Variants in EIF4G3 observed in about 807,000 individuals in gnomAD.
The protein encoded by EIF4G3 is eIF-4-gamma 3.
A neutral mutation model predicts 186.4 loss-of-function variants in EIF4G3; 34 were observed. The ratio of observed to expected loss-of-function variants is 0.18; its 90% CI spans 0.14 to 0.24. The LOEUF (loss-of-function observed/expected upper bound fraction) is 0.24, where lower values mean the gene tolerates loss of function less well. EIF4G3 is among the 10% of genes least tolerant of loss of function. EIF4G3 has a pLI of 1.00. For missense variants in EIF4G3, 1,536 were observed against 1,948.5 expected (o/e 0.79, Z 3.99); for synonymous variants, 673 against 679.5 (o/e 0.99, Z 0.15).
intron 3 of EIF4G3, among the ~76,000 whole-genome samples, chr1:21,051,798 G>C (rs2094230088): frequency 6.6e-6 from 1 of 152,146 alleles, no homozygotes; most frequent in Non-Finnish European, 1.5e-5. Flanking sequence ...AGGAGTTCAA[G>C]GCTTACAGTG....
chr1:20,825,119 T>C lies in EIF4G3; in HGVS notation c.4349A>G (p.His1450Arg), dbSNP rs2063277570. Residue 1450 changes from histidine to arginine, a missense_variant, in exon 33 of 37, where the codon CAT becomes CGT. Coordinates refer to ENST00000602326, the MANE Select transcript of EIF4G3 (RefSeq NM_001391906.1). ...KDFLPEGEDV[H>R]NFLLEQKLDF... ...TCTTACCTGCTCCAAAAGAAAATTATGTACATCTTCTCCTTCTGGTAAAAA... is the reference window on the plus strand; with the variant it reads ...TCTTACCTGCTCCAAAAGAAAATTACGTACATCTTCTCCTTCTGGTAAAAA... 9 of 1,612,102 alleles carry C rather than the reference T, an allele frequency of 5.6e-6. No homozygotes were observed. The highest frequency in any genetic ancestry group is 1.3e-5 in the African/African-American group (1 of 74,792).
chr1:21,039,148 G>A (rs540522655), intron 4 of EIF4G3, among the ~76,000 whole-genome samples: 3 of 152,274 alleles, frequency 2.0e-5, no homozygotes, highest in East Asian at 1.9e-4. Flanking sequence ...CTTCACATAC[G>A]TGGTCAAATG....
At chr1:20,943,732 CAGAT>C (rs1286000780) in intron 13 of EIF4G3, among the ~76,000 whole-genome samples, 1 of 152,122 alleles carries the variant, frequency 6.6e-6, no homozygotes, top group Non-Finnish European at 1.5e-5. Flanking sequence ...TGCAGTTTAT[CAGAT>C]AAATAGGTAT....
At chr1:20,854,776 T>C (rs1376023066) in intron 26 of EIF4G3, among the ~76,000 whole-genome samples, 5 of 151,700 alleles carry the variant, frequency 3.3e-5, no homozygotes, top group African/African-American at 9.7e-5. Context: ...AATGAATGAA[T>C]TGAAATTAAA....
At position 20,810,792 on chromosome 1, in the gene EIF4G3, G is replaced by C; in HGVS notation, c.4690C>G (p.Leu1564Val). Residue 1564 changes from leucine to valine, a missense_variant, in exon 36 of 37, where the codon CTG (leucine) becomes GTG (valine). By Grantham distance (32) the Leu-to-Val change is conservative. Coordinates refer to ENST00000602326, the MANE Select transcript of EIF4G3 (RefSeq NM_001391906.1). The surrounding 1 kb of genome is among the most constrained non-coding windows in gnomAD (Gnocchi z 4.1). ...KYLDSDTEKE[L>V]QALYALQASI... ...GCTTGTAGTGCATAAAGTGCTTGCA[G>C]TTCCTTCTCTGTATCTGAGTCTAGG... 6.2e-7 allele frequency: 1 copy of C among 1,614,130 alleles called. No individual in the cohort carries two copies. The highest frequency in any genetic ancestry group is 2.2e-5 in the East Asian group (1 of 44,864).
chr1:20,817,961 A>C (rs1383451288), intron 33 of EIF4G3, among the ~76,000 whole-genome samples: 1 of 152,112 alleles, frequency 6.6e-6, no homozygotes, highest in Non-Finnish European at 1.5e-5. Context: ...GGCATGACTC[A>C]CCACGCCCAA....
intron 2 of EIF4G3, among the ~76,000 whole-genome samples, chr1:21,150,922 G>A (rs541931937): frequency 6.6e-6 from 1 of 152,286 alleles, no homozygotes; most frequent in East Asian, 1.9e-4. Flanking sequence ...GTTGCAGTGA[G>A]TCAGAATCAT....
chr1:20,975,647 T>G (rs1009538595), intron 10 of EIF4G3, among the ~76,000 whole-genome samples: 6 of 149,744 alleles, frequency 4.0e-5, no homozygotes, highest in Non-Finnish European at 8.9e-5. Flanking sequence ...ATATAATATT[T>G]ATAATAAGCT....
At chr1:20,889,467 A>C (rs1157064153) in intron 18 of EIF4G3, among the ~76,000 whole-genome samples, 1 of 152,182 alleles carries the variant, frequency 6.6e-6, no homozygotes, top group Non-Finnish European at 1.5e-5. Flanking sequence ...CCGCAAAAAG[A>C]CTACTAACAC....
At chr1:21,131,239 CAA>C (rs33913086) in intron 2 of EIF4G3, among the ~76,000 whole-genome samples, 2,976 of 114,120 alleles carry the variant, frequency 0.026, 51 homozygotes, top group South Asian at 0.031. Context: ...GATTCTGCCT[CAA>C]AAAAAAAAAA....
rs568894616 is a variant in EIF4G3 at position 20,816,881 on chromosome 1, C to T, written c.4515+511G>A. 1.8e-4 allele frequency among the ~76,000 whole-genome samples: 21 copies of T among 119,254 alleles called. 2 individuals carry two copies. Among genetic ancestry groups the T allele is most frequent in the Admixed American group, 8.9e-4 (10 of 11,192 alleles). The allele number at this position is 119,254 out of a possible 152,430, so 78.2% of individuals were successfully genotyped here. A position where few individuals can be genotyped will look rare whatever the true frequency, so the allele number is the denominator to read the frequency against. On this transcript the variant is annotated intron_variant, in intron 34 of 36. Transcript: ENST00000602326. ...AAAGAAGTAGACATGGGAGACTTTT[C>T]ATTTTGTTCTGTACTAAGAAAAATT...
intron 3 of EIF4G3, among the ~76,000 whole-genome samples, chr1:21,062,117 A>T (rs2094948984): frequency 6.6e-6 from 1 of 151,830 alleles, no homozygotes; most frequent in East Asian, 1.9e-4. Context: ...GAAGCATAGT[A>T]GTGCGATCAT....
intron 13 of EIF4G3, among the ~76,000 whole-genome samples, chr1:20,942,709 T>G (rs1051823265): frequency 6.6e-6 from 1 of 152,184 alleles, no homozygotes; most frequent in Non-Finnish European, 1.5e-5. Context: ...AAACTTTTTT[T>G]CCAAGGATAT....
At chr1:20,902,537 A>C (rs2090695983) in intron 15 of EIF4G3, among the ~76,000 whole-genome samples, 3 of 152,242 alleles carry the variant, frequency 2.0e-5, no homozygotes, top group Admixed American at 2.0e-4. Context: ...CACTATGCCA[A>C]CAAAAGCTCA....
rs371272106 is a variant in EIF4G3, at chr1:21,138,879, T to C, written c.-272+37296A>G. Among the ~76,000 whole-genome samples, 14 of 152,244 alleles carry C rather than the reference T, an allele frequency of 9.2e-5. 2 individuals carry two copies. The highest frequency in any genetic ancestry group is 3.4e-4 in the African/African-American group (14 of 41,544). On this transcript the variant is annotated intron_variant, in intron 2 of 36. Coordinates refer to ENST00000602326, the MANE Select transcript of EIF4G3 (RefSeq NM_001391906.1). ...CTAAATACTATCATTGCCCATTAAT[T>C]TGGGTTTTTTTGCTTTGTTTTTTCA...
At chr1:21,162,315 G>C (rs1359623595) in intron 2 of EIF4G3, among the ~76,000 whole-genome samples, 2 of 151,964 alleles carry the variant, frequency 1.3e-5, no homozygotes, top group African/African-American at 4.8e-5. Context: ...CAGGTGTGGT[G>C]GTGGGTACCT....
Position 20,824,613 on chromosome 1 carries a change from A to C in EIF4G3, c.4368+487T>G, listed in dbSNP as rs114587915. On this transcript the variant is annotated intron_variant, in intron 33 of 36. Coordinates refer to ENST00000602326, the MANE Select transcript of EIF4G3 (RefSeq NM_001391906.1). The stretch of plus-strand genomic sequence containing the variant: ...TTCTGTTTTGTAGATTTCTGGATCT[A>C]GTTACCAGTCAGTAGGCAGGATAGC... Among the ~76,000 whole-genome samples the C allele has an allele frequency of 3.1e-3, 473 of 152,336 alleles. 1 individual carries two copies. Among genetic ancestry groups the C allele is most frequent in the African/African-American group, 0.011 (449 of 41,582 alleles).
At chr1:20,882,195 AC>A (rs2082565789) in intron 19 of EIF4G3, among the ~76,000 whole-genome samples, 1 of 151,774 alleles carries the variant, frequency 6.6e-6, no homozygotes, top group Non-Finnish European at 1.5e-5. Context: ...ACACACACAC[AC>A]ACACACACAC....
chr1:20,920,501 A>G (rs1262493196), intron 14 of EIF4G3, among the ~76,000 whole-genome samples: 1 of 152,166 alleles, frequency 6.6e-6, no homozygotes, highest in African/African-American at 2.4e-5. Context: ...ATAATAGAAT[A>G]TATTAGGCTT....
Sources: allele counts gnomAD v4.1 joint callset (sites outside exome capture counted in the v4.1 genomes callset), GRCh38; gene constraint gnomAD v4.1.1; non-coding constraint Gnocchi (gnomAD v3.1); transcripts MANE v1.5; gene names NCBI Gene and HGNC (gene_info 2026-07-23, HGNC 2026-07-21).